The following PIP5K1B variants were observed in gnomAD, a reference collection of about 807,000 sequenced individuals.
PIP5K1B encodes the protein phosphatidylinositol-4-phosphate 5-kinase type 1 beta.
PIP5K1B carries 42 observed loss-of-function variants against 67.0 expected under a neutral mutation model. The observed-to-expected ratio is 0.63, with a 90% CI of 0.49 to 0.81. PIP5K1B has a LOEUF of 0.81. Ranked by LOEUF, PIP5K1B falls within the 30% of genes least tolerant of loss-of-function variation. The pLI is 0.00. For missense variants in PIP5K1B, 459 were observed against 646.3 expected, an observed-to-expected ratio of 0.71 and a Z score of 3.14; for synonymous variants, 214 against 231.4, an observed-to-expected ratio of 0.92 and a Z score of 0.68.
intron 2 of PIP5K1B, among the ~76,000 whole-genome samples, chr9:68,810,489 A>G (rs1210199341): frequency 2.0e-5 from 3 of 152,218 alleles, no homozygotes; most frequent in Non-Finnish European, 4.4e-5. Flanking sequence ...TGGGAAGATG[A>G]GTAAGGACTC....
intron 4 of PIP5K1B, among the ~76,000 whole-genome samples, chr9:68,855,428 C>T (rs931978883): frequency 2.6e-5 from 4 of 152,186 alleles, no homozygotes; most frequent in African/African-American, 9.7e-5. Flanking sequence ...ACCTCTATCC[C>T]AAGCTCCAGA....
chr9:68,952,825 GCCTT>G (rs538582941), intron 14 of PIP5K1B, among the ~76,000 whole-genome samples: 1,554 of 142,444 alleles, frequency 0.011, 26 homozygotes, highest in African/African-American at 0.04. Context: ...CTGCCTGCCT[GCCTT>G]CCTTCCTTCC....
intron 1 of PIP5K1B, among the ~76,000 whole-genome samples, chr9:68,708,522 T>C (rs753843143): frequency 1.4e-5 from 2 of 146,340 alleles, no homozygotes; most frequent in Non-Finnish European, 3.0e-5. Context: ...GTCATCTATG[T>C]TATGCTCTTT....
chr9:68,968,715 A>ATTTTTT (rs1554749541), intron 14 of PIP5K1B, among the ~76,000 whole-genome samples: 5 of 142,230 alleles, frequency 3.5e-5, no homozygotes, highest in African/African-American at 1.0e-4. Flanking sequence ...ATATATATAT[A>ATTTTTT]TTTTTTTTTT....
chr9:68,961,216 CAA>C (rs544251006), intron 14 of PIP5K1B, among the ~76,000 whole-genome samples: 8 of 56,292 alleles, frequency 1.4e-4, no homozygotes, highest in Admixed American at 1.9e-4. Flanking sequence ...GACTCCGTCT[CAA>C]AAAAAAAAAA....
chr9:68,867,531 G>A (rs1823420354), intron 5 of PIP5K1B, among the ~76,000 whole-genome samples: 1 of 152,156 alleles, frequency 6.6e-6, no homozygotes, highest in Non-Finnish European at 1.5e-5. Context: ...TACCTTTCAG[G>A]AGATCTTTGG....
chr9:68,886,974 A>G (rs1824509298), intron 6 of PIP5K1B, among the ~76,000 whole-genome samples: 1 of 151,852 alleles, frequency 6.6e-6, no homozygotes, highest in Admixed American at 6.6e-5. Flanking sequence ...AGCCCACCAC[A>G]TCTCAGGCCT....
chr9:68,907,528 C>T (rs1483622785), intron 8 of PIP5K1B, among the ~76,000 whole-genome samples: 1 of 151,988 alleles, frequency 6.6e-6, no homozygotes, highest in Non-Finnish European at 1.5e-5. Flanking sequence ...TTTTCCATCA[C>T]TTCTTTTAAA....
At chr9:68,795,658 G>A (rs1832249346) in intron 2 of PIP5K1B, among the ~76,000 whole-genome samples, 1 of 147,130 alleles carries the variant, frequency 6.8e-6, no homozygotes, top group African/African-American at 2.4e-5. Flanking sequence ...TAGACTTTAG[G>A]AAATCTTCCA....
chr9:69,004,937 C>T (rs1831005470), intron 15 of PIP5K1B, among the ~76,000 whole-genome samples: 1 of 152,128 alleles, frequency 6.6e-6, no homozygotes, highest in Non-Finnish European at 1.5e-5. Flanking sequence ...CTCATTTTAA[C>T]AGGGTTATAA....
chr9:68,853,312 T>C (rs980780453), intron 4 of PIP5K1B, among the ~76,000 whole-genome samples: 2 of 152,170 alleles, frequency 1.3e-5, no homozygotes, highest in African/African-American at 4.8e-5. Context: ...CTAAGACCAG[T>C]TGAATGATCA....
At chr9:68,803,118 T>C (rs1009502164) in intron 2 of PIP5K1B, among the ~76,000 whole-genome samples, 2 of 152,108 alleles carry the variant, frequency 1.3e-5, no homozygotes, top group South Asian at 2.1e-4. Flanking sequence ...GGGGAGGATG[T>C]ATTGAGGAGG....
Position 68,923,235 on chromosome 9 carries a change from A to G in PIP5K1B, c.1117-67A>G, listed in dbSNP as rs145831190. 867 of 875,146 alleles carry G rather than the reference A, an allele frequency of 9.9e-4. 5 individuals carry two copies. The African/African-American group carries it at 0.012, about 12-fold the overall frequency. 54.2% of individuals were successfully genotyped at this position (875,146 alleles called of 1,614,324 possible). On this transcript the variant is annotated intron_variant, in intron 11 of 15. Transcript: ENST00000265382. ...GGCTAACAGAGAACCAATTGCATAG[A>G]TCTCTCTTCTGACTTGAGATGAACA...
At chr9:68,885,067 C>A (rs1824399597) in intron 6 of PIP5K1B, among the ~76,000 whole-genome samples, 1 of 152,148 alleles carries the variant, frequency 6.6e-6, no homozygotes, top group Admixed American at 6.5e-5. Flanking sequence ...AAATGCCCAT[C>A]AAAGGACAAA....
At chr9:68,788,404 C>T in intron 2 of PIP5K1B, 1 of 651,208 alleles carries the variant, frequency 1.5e-6, no homozygotes, top group Non-Finnish European at 2.7e-6. Flanking sequence ...ACCCTAAGTC[C>T]AGAAATAGCC....
chr9:68,904,757 C>CTT (rs34367926), intron 8 of PIP5K1B, among the ~76,000 whole-genome samples: 95,987 of 147,576 alleles, frequency 0.65, 33,182 homozygotes, highest in Admixed American at 0.77. Flanking sequence ...CAGTAGTTTG[C>CTT]TTTTTTTTTT....
chr9:68,937,450 T>C (rs1827322656), intron 13 of PIP5K1B, among the ~76,000 whole-genome samples: 1 of 152,222 alleles, frequency 6.6e-6, no homozygotes, highest in Non-Finnish European at 1.5e-5. Flanking sequence ...AGTGGTGATA[T>C]CCCCTATATC....
chr9:68,823,680 T>C (rs1365011589), intron 4 of PIP5K1B, among the ~76,000 whole-genome samples: 1 of 152,240 alleles, frequency 6.6e-6, no homozygotes, highest in Non-Finnish European at 1.5e-5. Flanking sequence ...CTATACATTT[T>C]AGCTTTTCAA....
intron 14 of PIP5K1B, among the ~76,000 whole-genome samples, chr9:68,965,906 G>A (rs1266020381): frequency 9.9e-5 from 15 of 151,092 alleles, no homozygotes; most frequent in Admixed American, 5.9e-4. Context: ...CCCAGGAGGC[G>A]GAAGTTGTAG....
Sources: gnomAD v4.1 joint callset for allele counts (sites outside exome capture counted in the v4.1 genomes callset) on GRCh38, gnomAD v4.1.1 for gene constraint, MANE v1.5 for transcripts, NCBI Gene and HGNC (gene_info 2026-07-23, HGNC 2026-07-21) for gene names.